The following SLC13A3 variants were observed in gnomAD, a reference collection of about 807,000 sequenced individuals.
SLC13A3 encodes Na(+)/dicarboxylate cotransporter 3.
Under a neutral mutation model 59.0 loss-of-function variants are expected in SLC13A3, and 40 were observed. The observed-to-expected ratio is 0.68, with a 90% confidence interval of 0.53 to 0.88. The LOEUF is 0.88. SLC13A3 is among the 40% of genes least tolerant of loss of function. The probability of loss-of-function intolerance (pLI) is 0.00; values close to 1 mark genes in which losing one functional copy is unlikely to be tolerated. For synonymous variants in SLC13A3, 317 were observed against 330.3 expected, an observed-to-expected ratio of 0.96 and a Z score of 0.44; for missense variants, 699 against 783.2, an observed-to-expected ratio of 0.89 and a Z score of 1.28.
At chr20:46,571,758 G>A (rs1275804503) in intron 10 of SLC13A3, among the ~76,000 whole-genome samples, 2 of 152,104 alleles carry the variant, frequency 1.3e-5, no homozygotes, top group African/African-American at 4.8e-5. Flanking sequence ...AGGGACTGGG[G>A]TGGGAGGCTA....
intron 1 of SLC13A3, among the ~76,000 whole-genome samples, chr20:46,665,695 CT>C (rs2063059728): frequency 6.6e-6 from 1 of 152,164 alleles, no homozygotes; most frequent in Non-Finnish European, 1.5e-5. Context: ...ATGAATAATG[CT>C]GCCTTGACCT....
At chr20:46,673,618 G>C (rs1160781183), upstream of SLC13A3, 3 of 152,048 alleles carry the variant, frequency 2.0e-5, no homozygotes, top group Non-Finnish European at 4.4e-5. Flanking sequence ...CCCCACCCCC[G>C]ACCTCCTGAT....
intron 1 of SLC13A3, among the ~76,000 whole-genome samples, chr20:46,636,465 C>G (rs2062796471): frequency 2.6e-5 from 4 of 152,216 alleles, no homozygotes. Flanking sequence ...GAGGAAATAT[C>G]CCTTTTGATT....
intron 10 of SLC13A3, among the ~76,000 whole-genome samples, chr20:46,571,042 C>T (rs1046404878): frequency 6.6e-6 from 1 of 152,146 alleles, no homozygotes; most frequent in African/African-American, 2.4e-5. Flanking sequence ...GAAGCAAACA[C>T]GTCCTTCTTC....
At chr20:46,582,676 A>G (rs2146111892) in intron 9 of SLC13A3, 3 of 985,148 alleles carry the variant, frequency 3.0e-6, no homozygotes, top group Non-Finnish European at 3.6e-6. Context: ...CAGGACACAT[A>G]CACTATACTC....
intron 1 of SLC13A3, among the ~76,000 whole-genome samples, chr20:46,628,356 G>A (rs1023822215): frequency 6.6e-6 from 1 of 152,202 alleles, no homozygotes; most frequent in Non-Finnish European, 1.5e-5. Flanking sequence ...GCCCAGGGAA[G>A]AAGGAGTAGC....
chr20:46,637,889 A>AG (rs1439674708), intron 1 of SLC13A3, among the ~76,000 whole-genome samples: 1 of 152,150 alleles, frequency 6.6e-6, no homozygotes, highest in Non-Finnish European at 1.5e-5. Context: ...GAGGTGATTC[A>AG]GGGGGACATA....
chr20:46,574,721 G>T (rs375578), intron 10 of SLC13A3, among the ~76,000 whole-genome samples: 123,477 of 151,964 alleles, frequency 0.81, 50,339 homozygotes, highest in East Asian at 0.88. Context: ...GTAAGGTACT[G>T]TATCTCTCTG....
intron 7 of SLC13A3, 119 bp downstream of exon 7, chr20:46,589,041 C>G (rs978934849): frequency 1.6e-4 from 130 of 838,032 alleles, no homozygotes; most frequent in Middle Eastern, 3.6e-4. Flanking sequence ...GGCTCCCACG[C>G]CACGGGTCCT....
intron 3 of SLC13A3, among the ~76,000 whole-genome samples, chr20:46,603,196 G>A: frequency 6.6e-6 from 1 of 150,992 alleles, no homozygotes. Context: ...AAAAAAAAAA[G>A]AGTTAACTTA....
chr20:46,657,077 C>G (rs2062999044), intron 1 of SLC13A3, among the ~76,000 whole-genome samples: 1 of 151,900 alleles, frequency 6.6e-6, no homozygotes. Context: ...TCAGTTTGAC[C>G]AGCCTGGTCA....
chr20:46,643,208 G>A (rs891822486), intron 1 of SLC13A3, among the ~76,000 whole-genome samples: 3 of 152,040 alleles, frequency 2.0e-5, no homozygotes, highest in Non-Finnish European at 4.4e-5. Context: ...GGGGGGAAGG[G>A]GGTTAATATA....
At chr20:46,596,388 A>C in intron 4 of SLC13A3, 46 bp from the exon 5 acceptor site, 1 of 1,575,024 alleles carries the variant, frequency 6.3e-7, no homozygotes. Context: ...CATGGAGAAC[A>C]GGCCACAGAC....
intron 4 of SLC13A3, among the ~76,000 whole-genome samples, chr20:46,599,105 C>A (rs2062346145): frequency 6.6e-6 from 1 of 152,226 alleles, no homozygotes; most frequent in Non-Finnish European, 1.5e-5. Flanking sequence ...GCTTATCAAC[C>A]ACCCAACACA....
intron 10 of SLC13A3, among the ~76,000 whole-genome samples, chr20:46,566,826 T>A (rs1409430691): frequency 6.7e-6 from 1 of 149,874 alleles, no homozygotes; most frequent in Non-Finnish European, 1.5e-5. Context: ...AATAATATAT[T>A]AATATGTATG....
intron 1 of SLC13A3, among the ~76,000 whole-genome samples, chr20:46,631,603 G>C (rs572147190): frequency 9.5e-4 from 144 of 152,124 alleles, no homozygotes; most frequent in Middle Eastern, 3.4e-3. Flanking sequence ...CCTAGTCCTA[G>C]CCTTGGTCCC....
intron 1 of SLC13A3, among the ~76,000 whole-genome samples, chr20:46,646,783 G>A (rs1291894285): frequency 2.6e-5 from 4 of 152,160 alleles, no homozygotes; most frequent in African/African-American, 9.7e-5. Flanking sequence ...AACTCACTGT[G>A]GCCAGAAAAT....
intron 1 of SLC13A3, among the ~76,000 whole-genome samples, chr20:46,618,903 G>A (rs988556197): frequency 3.9e-5 from 6 of 152,218 alleles, no homozygotes; most frequent in African/African-American, 1.4e-4. Flanking sequence ...CACTCCAGGA[G>A]TAGCTCCTAG....
intron 1 of SLC13A3, among the ~76,000 whole-genome samples, chr20:46,617,236 CTT>C (rs2062564984): frequency 6.6e-6 from 1 of 152,194 alleles, no homozygotes; most frequent in Non-Finnish European, 1.5e-5. Context: ...ATTTAGCAAA[CTT>C]TATTCCTGAC....
Sources: gnomAD v4.1 joint callset for allele counts (sites outside exome capture counted in the v4.1 genomes callset) on GRCh38, gnomAD v4.1.1 for gene constraint, MANE v1.5 for transcripts, NCBI Gene and HGNC (gene_info 2026-07-23, HGNC 2026-07-21) for gene names.